ETV6: variants seen among roughly 807,000 people sequenced by gnomAD.
ETV6 encodes transcription factor ETV6.
Under a neutral mutation model 51.1 loss-of-function variants are expected in ETV6, and 16 were observed. That is an observed-to-expected ratio of 0.31 (90% confidence interval 0.21 to 0.48). ETV6 has a LOEUF of 0.48. Among genes scored for constraint, ETV6 ranks in the 20% least tolerant of loss-of-function variants. ETV6 has a pLI of 0.99. For missense variants in ETV6, 458 were observed against 594.8 expected, an observed-to-expected ratio of 0.77 and a Z score of 2.39; for synonymous variants, 240 against 224.1, an observed-to-expected ratio of 1.07 and a Z score of -0.64.
chr12:11,850,159 C>G (rs1946528684), intron 3 of ETV6, among the ~76,000 whole-genome samples: 1 of 152,126 alleles, frequency 6.6e-6, no homozygotes, highest in Non-Finnish European at 1.5e-5. Flanking sequence ...GGCTTCTGGT[C>G]TAGGTAGGAA....
At chr12:11,756,318 A>G (rs1050151430) in intron 2 of ETV6, among the ~76,000 whole-genome samples, 6 of 152,040 alleles carry the variant, frequency 3.9e-5, no homozygotes, top group African/African-American at 1.4e-4. Flanking sequence ...CTACAGCAGA[A>G]CCCCTCTGCT....
intron 2 of ETV6, among the ~76,000 whole-genome samples, chr12:11,783,840 G>T (rs1387047840): frequency 6.6e-6 from 1 of 152,104 alleles, no homozygotes; most frequent in African/African-American, 2.4e-5. Flanking sequence ...GTTTGTGGTT[G>T]GTTGTTTTTT....
intron 2 of ETV6, among the ~76,000 whole-genome samples, chr12:11,758,114 C>T (rs986107854): frequency 2.6e-5 from 4 of 152,094 alleles, no homozygotes; most frequent in Non-Finnish European, 4.4e-5. Flanking sequence ...TGGAAGTCTC[C>T]AAATAAAAAA....
Position 11,893,942 on chromosome 12 carries a change from A to T in ETV6, c.*2896A>T, listed in dbSNP as rs1286057633. On this transcript the variant is annotated 3_prime_UTR_variant, in exon 8 of 8. Transcript: ENST00000396373. ...TGGTCCCAAGCATTTCAGATAAGGG[A>T]TATCAATCTGTACTACCAATAAGGA... 4.7e-6 allele frequency: 1 copy of T among 213,660 alleles called. No individual in the cohort carries two copies. The highest frequency in any genetic ancestry group is 7.0e-5 in the East Asian group (1 of 14,358). The allele number at this position is 213,660 out of a possible 1,614,324, so 13.2% of individuals were successfully genotyped here. A position where few individuals can be genotyped will look rare whatever the true frequency, so the allele number is the denominator to read the frequency against.
chr12:11,800,053 G>C (rs1433102139), intron 2 of ETV6, among the ~76,000 whole-genome samples: 1 of 152,112 alleles, frequency 6.6e-6, no homozygotes, highest in Non-Finnish European at 1.5e-5. Flanking sequence ...TTATATTTGA[G>C]TTTCAAAAAT....
At chr12:11,881,403 G>T (rs1011137032) in intron 5 of ETV6, among the ~76,000 whole-genome samples, 1 of 152,228 alleles carries the variant, frequency 6.6e-6, no homozygotes, top group African/African-American at 2.4e-5. Flanking sequence ...TTTTGGGGCT[G>T]CTCTGACAAA....
At chr12:11,818,991 C>CTCT (rs1269152095) in intron 2 of ETV6, among the ~76,000 whole-genome samples, 1 of 152,168 alleles carries the variant, frequency 6.6e-6, no homozygotes, top group Non-Finnish European at 1.5e-5. Context: ...TTCCCCTGAG[C>CTCT]TCTTCTGCCT....
intron 1 of ETV6, among the ~76,000 whole-genome samples, chr12:11,679,795 C>G (rs1864492228): frequency 6.6e-6 from 1 of 151,472 alleles, no homozygotes; most frequent in Non-Finnish European, 1.5e-5. Flanking sequence ...TTCAGACTTG[C>G]TTGTTCTTGA....
intron 3 of ETV6, among the ~76,000 whole-genome samples, chr12:11,845,236 C>G (rs1027455964): frequency 2.6e-5 from 4 of 152,204 alleles, no homozygotes; most frequent in Admixed American, 2.6e-4. Flanking sequence ...TGTTAAGGTT[C>G]TACTTTAAAC....
At chr12:11,804,991 G>T (rs1477996855) in intron 2 of ETV6, among the ~76,000 whole-genome samples, 1 of 152,120 alleles carries the variant, frequency 6.6e-6, no homozygotes, top group African/African-American at 2.4e-5. Flanking sequence ...CTATATTCCA[G>T]AGCTGCTCAC....
At chr12:11,702,357 A>G (rs1185384120) in intron 1 of ETV6, among the ~76,000 whole-genome samples, 1 of 152,154 alleles carries the variant, frequency 6.6e-6, no homozygotes, top group African/African-American at 2.4e-5. Flanking sequence ...CATTTCTCCG[A>G]TCTTATTATA....
At chr12:11,779,635 A>G (rs1264451495) in intron 2 of ETV6, among the ~76,000 whole-genome samples, 1 of 152,240 alleles carries the variant, frequency 6.6e-6, no homozygotes, top group Non-Finnish European at 1.5e-5. Context: ...GAAAATATAT[A>G]ATGTAGAAAA....
chr12:11,849,433 C>T (rs1228964243), intron 3 of ETV6, among the ~76,000 whole-genome samples: 6 of 152,032 alleles, frequency 3.9e-5, no homozygotes, highest in Admixed American at 3.9e-4. Context: ...TTAGTAACAC[C>T]TTTTAGATGT....
chr12:11,727,119 C>T (rs1163372094), intron 1 of ETV6, among the ~76,000 whole-genome samples: 3 of 152,188 alleles, frequency 2.0e-5, no homozygotes, highest in Non-Finnish European at 2.9e-5. Flanking sequence ...AGGTGAACTA[C>T]GGCTGGAACA....
At chr12:11,873,188 G>A (rs926992404) in intron 5 of ETV6, among the ~76,000 whole-genome samples, 23 of 152,192 alleles carry the variant, frequency 1.5e-4, no homozygotes, top group Middle Eastern at 3.4e-3. Flanking sequence ...GTTTTTCTCC[G>A]AAGAAGGTAG....
intron 1 of ETV6, among the ~76,000 whole-genome samples, chr12:11,719,183 A>G (rs1865335116): frequency 6.6e-6 from 1 of 152,228 alleles, no homozygotes. Flanking sequence ...GGAGCCGTAT[A>G]CTGGAGTCTG....
At chr12:11,759,897 T>A (rs115596139) in intron 2 of ETV6, among the ~76,000 whole-genome samples, 19 of 152,350 alleles carry the variant, frequency 1.2e-4, no homozygotes, top group African/African-American at 4.1e-4. Context: ...TTTCTCCCAT[T>A]TTGCTTCATG....
intron 2 of ETV6, among the ~76,000 whole-genome samples, chr12:11,790,321 A>T (rs1293186199): frequency 2.0e-5 from 3 of 152,000 alleles, no homozygotes; most frequent in African/African-American, 7.3e-5. Flanking sequence ...ACGTCTGGTG[A>T]TCCCTGCATG....
chr12:11,876,188 A>C (rs1253211276), intron 5 of ETV6, among the ~76,000 whole-genome samples: 2 of 152,250 alleles, frequency 1.3e-5, no homozygotes, highest in Non-Finnish European at 2.9e-5. Context: ...ACCAACCAGA[A>C]TAGTTACGAT....
Sources: gnomAD v4.1 joint callset for allele counts (sites outside exome capture counted in the v4.1 genomes callset) on GRCh38, gnomAD v4.1.1 for gene constraint, MANE v1.5 for transcripts, NCBI Gene and HGNC (gene_info 2026-07-23, HGNC 2026-07-21) for gene names.